Variants in CDH23 observed in about 807,000 individuals in gnomAD.
CDH23 encodes the protein cadherin-23.
CDH23 carries 189 observed loss-of-function variants against 317.1 expected under a neutral mutation model. The ratio of observed to expected loss-of-function variants is 0.60; its 90% CI spans 0.53 to 0.67. The LOEUF (loss-of-function observed/expected upper bound fraction) is 0.67. Ranked by LOEUF, CDH23 falls within the 30% of genes least tolerant of loss-of-function variation. The pLI, the probability that CDH23 is intolerant of heterozygous loss-of-function variation, is 0.00. For synonymous variants in CDH23, 1,839 were observed against 1,876.8 expected (o/e 0.98, Z 0.52); for missense variants, 4,401 against 4,592.4 (o/e 0.96, Z 1.20).
At chr10:71,709,234 C>T (rs1222497310) in intron 27 of CDH23, 23 bp downstream of exon 27, 2 of 1,593,706 alleles carry the variant, frequency 1.3e-6, no homozygotes, top group Non-Finnish European at 1.7e-6. Context: ...CCCGCACCCA[C>T]CAACACAGTG....
At chr10:71,476,128 C>CT (rs34886244) in intron 3 of CDH23, among the ~76,000 whole-genome samples, 21,214 of 152,140 alleles carry the variant, frequency 0.14, 1,651 homozygotes, top group Admixed American at 0.25. Context: ...TGGGGAGGGA[C>CT]TATTTAAATA....
chr10:71,456,358 C>T (rs1012702510), intron 3 of CDH23, among the ~76,000 whole-genome samples: 49 of 151,884 alleles, frequency 3.2e-4, no homozygotes, highest in African/African-American at 9.9e-4. Flanking sequence ...CTTCTGCGTC[C>T]TTGCTTCCTC....
intron 14 of CDH23, among the ~76,000 whole-genome samples, chr10:71,650,037 C>G (rs1190220233): frequency 6.6e-6 from 1 of 152,240 alleles, no homozygotes; most frequent in African/African-American, 2.4e-5. Context: ...CTAGTCCTTT[C>G]AGCAACCTTC....
rs749577911 is a variant in CDH23 at position 71,695,604 on chromosome 10, G to T, written c.2397+79G>T. On this transcript the variant is annotated intron_variant, in intron 22 of 69. Coordinates refer to ENST00000224721, the MANE Select transcript of CDH23 (RefSeq NM_022124.6). Reference sequence around the variant, plus strand: ...GCCCCTCCCACTGCGATTCCAGGGGGCCTTCCCCTATGGGGCTGGTGGACT... The same window carrying T: ...GCCCCTCCCACTGCGATTCCAGGGGTCCTTCCCCTATGGGGCTGGTGGACT... 4.0e-6 allele frequency: 4 copies of T among 1,008,602 alleles called. No homozygotes were observed. In the African/African-American group the frequency reaches 4.7e-5, roughly 12 times the overall value. 62.5% of individuals were successfully genotyped at this position (1,008,602 alleles called of 1,614,324 possible). A position where few individuals can be genotyped will look rare whatever the true frequency, so the allele number is the denominator to read the frequency against.
At chr10:71,742,388 G>A (rs533140418) in intron 38 of CDH23, among the ~76,000 whole-genome samples, 9 of 152,334 alleles carry the variant, frequency 5.9e-5, no homozygotes, top group Admixed American at 3.3e-4. Flanking sequence ...GTCACAACAC[G>A]TCAGGGTGGG....
chr10:71,589,629 T>C (rs772912260), intron 9 of CDH23, among the ~76,000 whole-genome samples: 2 of 152,122 alleles, frequency 1.3e-5, no homozygotes, highest in Non-Finnish European at 2.9e-5. Flanking sequence ...AGGAAAGGGT[T>C]TGTTCTCCCC....
intron 1 of CDH23, among the ~76,000 whole-genome samples, chr10:71,432,839 T>C (rs534718398): frequency 1.3e-5 from 2 of 152,250 alleles, no homozygotes; most frequent in South Asian, 4.1e-4. Flanking sequence ...AGGAGCTCCA[T>C]GTCCCTAGAA....
chr10:71,584,542 CTGTG>C (rs138103081), intron 9 of CDH23, among the ~76,000 whole-genome samples: 3,127 of 145,730 alleles, frequency 0.021, 238 homozygotes, highest in East Asian at 0.21. Flanking sequence ...GAAGGGAAGT[CTGTG>C]TGTGTGTGTG....
At chr10:71,525,643 G>A (rs1854995994) in intron 6 of CDH23, among the ~76,000 whole-genome samples, 1 of 152,144 alleles carries the variant, frequency 6.6e-6, no homozygotes, top group Non-Finnish European at 1.5e-5. Context: ...TACCATAGGT[G>A]GGGAGAGAGG....
chr10:71,715,881 G>T, intron 28 of CDH23: 1 of 1,417,502 alleles, frequency 7.1e-7, no homozygotes, highest in East Asian at 2.7e-5. Flanking sequence ...CTCTGAAGCA[G>T]GAGGATCTAC....
rs727502920 is a variant in CDH23 at position 71,646,531 on chromosome 10, G to A, written c.1363G>A (p.Asp455Asn). The A allele has an allele frequency of 2.2e-5, 35 of 1,613,824 alleles. No individual in the cohort carries two copies. Among genetic ancestry groups the A allele is most frequent in the Non-Finnish European group, 2.8e-5 (33 of 1,179,894 alleles). ...KVKITLINENDNRPIFSQPLY... is the reference protein window; with the variant it reads ...KVKITLINENNNRPIFSQPLY... ...GAAGATCACTCTCATCAATGAAAAT[G>A]ACAACCGGCCCATCTTCAGCCAGCC... The change falls in exon 14 of 70, where the codon GAC becomes AAC. Residue 455 changes from aspartate (D) to asparagine (N), a missense_variant. By Grantham distance (23) the Asp-to-Asn change is conservative. This residue lies in a region of CDH23 where 3,068 missense variants were observed against 3,203.3 expected (regional missense o/e 0.96). Transcript: ENST00000224721.
intron 22 of CDH23, among the ~76,000 whole-genome samples, chr10:71,695,856 C>T (rs1865369413): frequency 6.6e-6 from 1 of 152,182 alleles, no homozygotes; most frequent in African/African-American, 2.4e-5. Context: ...TGGCCACCCC[C>T]TCTGGAGAGC....
chr10:71,565,945 A>G (rs1318903495), intron 6 of CDH23, among the ~76,000 whole-genome samples: 3 of 152,214 alleles, frequency 2.0e-5, no homozygotes, highest in Admixed American at 6.5e-5. Context: ...GAATTAGGAT[A>G]GGCAAACCTA....
chr10:71,679,317 AGCTGC>A, intron 16 of CDH23, 65 bp from the exon 17 acceptor site: 2 of 652,368 alleles, frequency 3.1e-6, no homozygotes, highest in African/African-American at 1.9e-5. Context: ...CCACCCTCCC[AGCTGC>A]CCACCCTCTT....
At chr10:71,432,517 A>AGTGT (rs201982648) in intron 1 of CDH23, among the ~76,000 whole-genome samples, 1,654 of 144,736 alleles carry the variant, frequency 0.011, 13 homozygotes, top group Middle Eastern at 0.035. Context: ...GGTGAGTGTG[A>AGTGT]GTGTGTGGGT....
rs1336869424 is a variant in CDH23 at position 71,805,970 on chromosome 10, G to T, written c.8037G>T (p.Leu2679=). Residue 2679 remains leucine, a synonymous_variant, in exon 56 of 70, where the codon CTG becomes CTT. Transcript: ENST00000224721. ...GCCTCATCCAGACTGCTCAGCGCCT[G>T]GACCGCGAGTCGCAGGCGGTGTACA... ...ISGLIQTAQR[L]DRESQAVYSL... is the part of the protein sequence containing the mutation. 6.2e-7 allele frequency: 1 copy of T among 1,612,894 alleles called. No homozygotes were observed. The highest frequency in any genetic ancestry group is 2.2e-5 in the East Asian group (1 of 44,840).
intron 53 of CDH23, among the ~76,000 whole-genome samples, chr10:71,802,169 A>C (rs1379414013): frequency 1.3e-5 from 2 of 152,190 alleles, no homozygotes; most frequent in Admixed American, 1.3e-4. Flanking sequence ...TTAGCCAGGC[A>C]TGGTGGTGTT....
At chr10:71,745,515 C>A (rs973408045) in intron 38 of CDH23, among the ~76,000 whole-genome samples, 32 of 152,150 alleles carry the variant, frequency 2.1e-4, no homozygotes, top group Admixed American at 3.9e-4. Flanking sequence ...AAGACCCCCC[C>A]TCTACTGCCT....
At chr10:71,754,276 G>C (rs1164727089) in intron 38 of CDH23, among the ~76,000 whole-genome samples, 1 of 152,150 alleles carries the variant, frequency 6.6e-6, no homozygotes, top group East Asian at 1.9e-4. Context: ...AGTTCTGAAA[G>C]CAAGGGTGAG....
Sources: gnomAD v4.1 joint callset for allele counts (sites outside exome capture counted in the v4.1 genomes callset) on GRCh38, gnomAD v4.1.1 for gene constraint, gnomAD v4.1.1 regional missense constraint, MANE v1.5 for transcripts, NCBI Gene and HGNC (gene_info 2026-07-23, HGNC 2026-07-21) for gene names.